The following PRPS2 variants were observed in gnomAD, a reference collection of about 807,000 sequenced individuals.
PRPS2 encodes phosphoribosyl pyrophosphate synthetase 2.
For synonymous variants in PRPS2, 111 were observed against 115.3 expected (o/e 0.96, Z 0.24); for missense variants, 104 against 271.5 (o/e 0.38, Z 4.34).
chrX:12,821,339 T>G (rs930683382), intron 6 of PRPS2, among the ~76,000 whole-genome samples: 1 of 107,199 alleles, frequency 9.3e-6, no homozygotes, highest in Admixed American at 1.0e-4. Context: ...TCGTGCTAAG[T>G]GAAAAAAGCC....
intron 2 of PRPS2, among the ~76,000 whole-genome samples, chrX:12,803,011 G>T (rs2042577643): frequency 8.9e-6 from 1 of 112,279 alleles, no homozygotes; most frequent in Admixed American, 9.4e-5. Context: ...TCACGGTGGG[G>T]TGTATTCGTT....
At chrX:12,822,192 A>G (rs915891249) in intron 6 of PRPS2, among the ~76,000 whole-genome samples, 1 of 111,514 alleles carries the variant, frequency 9.0e-6, no homozygotes, top group Non-Finnish European at 1.9e-5. Flanking sequence ...TCATATATGT[A>G]TTGCCCGTGG....
chrX:12,814,605 G>A (rs921427342), intron 4 of PRPS2, among the ~76,000 whole-genome samples: 3 of 111,911 alleles, frequency 2.7e-5, no homozygotes, highest in African/African-American at 6.5e-5. Context: ...GACTCGTTCC[G>A]GGTAAAACTG....
intron 4 of PRPS2, among the ~76,000 whole-genome samples, chrX:12,811,969 G>A (rs1262456489): frequency 8.9e-6 from 1 of 111,886 alleles, no homozygotes; most frequent in African/African-American, 3.3e-5. Flanking sequence ...AAAGACGGGA[G>A]CAGAAAGTTA....
chrX:12,820,081 G>A (rs1053367861), intron 5 of PRPS2, among the ~76,000 whole-genome samples: 1 of 112,546 alleles, frequency 8.9e-6, no homozygotes, highest in Non-Finnish European at 1.9e-5. Context: ...CCAGCCACAC[G>A]TGGCCGTGGA....
intron 1 of PRPS2, among the ~76,000 whole-genome samples, chrX:12,797,478 G>A (rs1267332929): frequency 8.9e-6 from 1 of 112,084 alleles, no homozygotes; most frequent in Admixed American, 9.5e-5. Context: ...ATGTGAATGA[G>A]TGTGGCTCAT....
In PRPS2 at chrX:12,799,204, T is replaced by C. The variant is rs370465028; in HGVS notation, c.123-3T>C. ...TTAACCGATGGCAGTTTTCTTTTCC[T>C]AGCGTGGAGATTGGTGAAAGCGTGA... On this transcript the variant is annotated splice_region_variant and splice_polypyrimidine_tract_variant and intron_variant, in intron 1 of 6. Coordinates refer to ENST00000380668, the MANE Select transcript of PRPS2 (RefSeq NM_002765.5). The C allele has an allele frequency of 1.7e-6, 2 of 1,207,264 alleles. No homozygotes were observed. Among genetic ancestry groups the C allele is most frequent in the African/African-American group, 3.5e-5 (2 of 57,052 alleles).
At chrX:12,799,005 C>A (rs749455551) in intron 1 of PRPS2, among the ~76,000 whole-genome samples, 1 of 111,409 alleles carries the variant, frequency 9.0e-6, no homozygotes, top group South Asian at 3.8e-4. Flanking sequence ...CCCTGTTTCC[C>A]CCAACTTCAC....
intron 4 of PRPS2, among the ~76,000 whole-genome samples, chrX:12,811,159 C>T (rs1282056858): frequency 8.9e-6 from 1 of 112,504 alleles, no homozygotes; most frequent in African/African-American, 3.2e-5. Flanking sequence ...GAACACAGTC[C>T]ACGCAGGCCC....
chrX:12,804,631 C>A (rs1160685218), intron 2 of PRPS2, among the ~76,000 whole-genome samples: 1 of 110,932 alleles, frequency 9.0e-6, no homozygotes, highest in African/African-American at 3.3e-5. Context: ...TAGACAAGTG[C>A]TACTGTTTAC....
At chrX:12,794,589 G>A (rs1016666183) in intron 1 of PRPS2, among the ~76,000 whole-genome samples, 8 of 112,069 alleles carry the variant, frequency 7.1e-5, no homozygotes, top group African/African-American at 2.6e-4. Flanking sequence ...AGTCAGTGAC[G>A]CTCTTCAGCG....
At chrX:12,810,612 G>T (rs1279887479) in intron 4 of PRPS2, among the ~76,000 whole-genome samples, 2 of 111,443 alleles carry the variant, frequency 1.8e-5, no homozygotes, top group South Asian at 7.6e-4. Context: ...CCATGTCCAG[G>T]TGGCTTGGGG....
intron 1 of PRPS2, among the ~76,000 whole-genome samples, chrX:12,793,899 G>T (rs1029330051): frequency 1.8e-5 from 2 of 111,708 alleles, no homozygotes; most frequent in African/African-American, 3.3e-5. Context: ...GCAGGGAGAG[G>T]TCCGCTCCAG....
At chrX:12,814,813 C>G (rs773952765) in intron 4 of PRPS2, among the ~76,000 whole-genome samples, 17 of 111,959 alleles carry the variant, frequency 1.5e-4, no homozygotes, top group Non-Finnish European at 2.6e-4. Context: ...TGAAGATGCT[C>G]TATAGGAAAT....
Position 12,817,468 on chromosome X carries a change from T to TAAAAA in PRPS2, c.531-2022_531-2018dup, listed in dbSNP as rs765566895. ...TACAAGAAATAAAAGATGTTCCTCA[T>TAAAAA]AAAAAAAAAAAAAAAAAAAAAGGAA... is the stretch of plus-strand genomic sequence containing the variant. On this transcript the variant is annotated intron_variant, in intron 4 of 6. Coordinates refer to ENST00000380668, the MANE Select transcript of PRPS2 (RefSeq NM_002765.5). Among the ~76,000 whole-genome samples the TAAAAA allele has an allele frequency of 1.6e-3, 107 of 67,224 alleles. 3 individuals carry two copies. Among genetic ancestry groups the TAAAAA allele is most frequent in the African/African-American group, 3.6e-3 (62 of 17,297 alleles). 58.4% of individuals were successfully genotyped at this position (67,224 alleles called of 115,157 possible). A position where few individuals can be genotyped will look rare whatever the true frequency, so the allele number is the denominator to read the frequency against.
chrX:12,823,330 T>TTTC lies in PRPS2; in HGVS notation c.*536_*537insCTT, dbSNP rs1245601321. ...TTTGAATTTTCCTTTTTTTTTTTTT[T>TTTC]TTGGATAACTCAGTTTCAGATAAAC... is the stretch of plus-strand genomic sequence containing the variant. On this transcript the variant is annotated 3_prime_UTR_variant, in exon 7 of 7. Coordinates refer to ENST00000380668, the MANE Select transcript of PRPS2 (RefSeq NM_002765.5). 1 of 107,898 alleles carries TTTC rather than the reference T, an allele frequency of 9.3e-6. No individual in the cohort carries two copies. Among genetic ancestry groups the TTTC allele is most frequent in the African/African-American group, 3.4e-5 (1 of 29,562 alleles). 8.9% of individuals were successfully genotyped at this position (107,898 alleles called of 1,213,427 possible). A position where few individuals can be genotyped will look rare whatever the true frequency, so the allele number is the denominator to read the frequency against.
intron 1 of PRPS2, among the ~76,000 whole-genome samples, chrX:12,794,209 G>A (rs1211919940): frequency 8.9e-6 from 1 of 112,435 alleles, no homozygotes; most frequent in Non-Finnish European, 1.9e-5. Context: ...CACAGCTGAG[G>A]CGGCTAACTG....
chrX:12,819,137 T>C lies in PRPS2; in HGVS notation c.531-370T>C, dbSNP rs753411202. 7.1e-5 allele frequency among the ~76,000 whole-genome samples: 8 copies of C among 112,867 alleles called. No individual in the cohort carries two copies. In the South Asian group the frequency reaches 2.5e-3, roughly 36 times the overall value. ...TATTAACCAGGACTTTTGTCCCCAC[T>C]ATCTGTGCCACAAACTGGGCAAATA... On this transcript the variant is annotated intron_variant, in intron 4 of 6. Coordinates refer to ENST00000380668, the MANE Select transcript of PRPS2 (RefSeq NM_002765.5).
At chrX:12,795,300 C>T (rs776871693) in intron 1 of PRPS2, among the ~76,000 whole-genome samples, 1 of 111,685 alleles carries the variant, frequency 9.0e-6, no homozygotes, top group South Asian at 3.7e-4. Flanking sequence ...AGGATGTAGA[C>T]ATCTTTAGGG....
Sources: allele counts gnomAD v4.1 joint callset (sites outside exome capture counted in the v4.1 genomes callset), GRCh38; gene constraint gnomAD v4.1.1; transcripts MANE v1.5; gene names NCBI Gene and HGNC (gene_info 2026-07-23, HGNC 2026-07-21).